The following RGS12 variants were observed in gnomAD, a reference collection of about 807,000 sequenced individuals.
The protein encoded by RGS12 is regulator of G-protein signaling 12.
A neutral mutation model predicts 120.1 loss-of-function variants in RGS12; 66 were observed. The observed-to-expected ratio is 0.55, with a 90% confidence interval of 0.45 to 0.67. RGS12 has a LOEUF of 0.67. Ranked by LOEUF, RGS12 falls within the 30% of genes least tolerant of loss-of-function variation. The pLI, the probability that RGS12 is intolerant of heterozygous loss-of-function variation, is 0.00. For missense variants in RGS12, 1,859 were observed against 1,957.7 expected, an observed-to-expected ratio of 0.95 and a Z score of 0.95; for synonymous variants, 827 against 804.7, an observed-to-expected ratio of 1.03 and a Z score of -0.47.
intron 3 of RGS12, among the ~76,000 whole-genome samples, chr4:3,351,245 A>G (rs983739964): frequency 8.5e-5 from 13 of 152,284 alleles, no homozygotes; most frequent in Middle Eastern, 3.4e-3. Flanking sequence ...GCCTTGAATT[A>G]GTAACAAATC....
At chr4:3,416,612 T>C (rs1401702991) in intron 7 of RGS12, among the ~76,000 whole-genome samples, 1 of 152,226 alleles carries the variant, frequency 6.6e-6, no homozygotes, top group Non-Finnish European at 1.5e-5. Flanking sequence ...GTTTTAATCT[T>C]ATTTAACAAA....
chr4:3,309,363 T>C (rs1210187519), intron 1 of RGS12, among the ~76,000 whole-genome samples: 137 of 137,496 alleles, frequency 1.0e-3, no homozygotes, highest in African/African-American at 4.0e-3. Context: ...AGGTGTCCGC[T>C]GAGGGGAACC....
At position 3,390,468 on chromosome 4, in the gene RGS12, G is replaced by A. The variant is rs1415617680; in HGVS notation, c.2020+4031G>A. Among the ~76,000 whole-genome samples the A allele has an allele frequency of 6.6e-6, 1 of 152,232 alleles. No homozygotes were observed. The highest frequency in any genetic ancestry group is 1.9e-4 in the East Asian group (1 of 5,200). On this transcript the variant is annotated intron_variant, in intron 4 of 17. Transcript: ENST00000336727. This position sits in a 1 kb window ranked among gnomAD's most constrained non-coding sequence, Gnocchi z 4.6. ...TTGGGCGGGGACAGTGGCTTTCAGT[G>A]ATTTTCCTTTTAGTCGTGAAACCTT...
intron 2 of RGS12, among the ~76,000 whole-genome samples, chr4:3,335,961 G>A (rs183912991): frequency 2.2e-4 from 34 of 152,274 alleles, no homozygotes; most frequent in Admixed American, 7.2e-4. Context: ...GCATGGTGGT[G>A]CGTGCCTGTA....
chr4:3,358,249 A>G (rs953481190), intron 3 of RGS12, among the ~76,000 whole-genome samples: 1 of 152,090 alleles, frequency 6.6e-6, no homozygotes, highest in African/African-American at 2.4e-5. Flanking sequence ...TTGGTGGAAT[A>G]GTCTACATAA....
intron 1 of RGS12, among the ~76,000 whole-genome samples, chr4:3,315,638 G>A (rs770187437): frequency 1.3e-5 from 2 of 152,340 alleles, no homozygotes; most frequent in East Asian, 3.9e-4. Flanking sequence ...CCTGTAGCAG[G>A]CCTTGCTTCT....
At chr4:3,408,732 G>A (rs1721418359) in intron 4 of RGS12, among the ~76,000 whole-genome samples, 1 of 152,176 alleles carries the variant, frequency 6.6e-6, no homozygotes, top group Admixed American at 6.5e-5. Flanking sequence ...GGTGGCATGG[G>A]CAGCCGGGGC....
At position 3,341,775 on chromosome 4, in the gene RGS12, TGG is replaced by T. The variant is rs1216519605; in HGVS notation, c.1882-1157_1882-1156del. On this transcript the variant is annotated intron_variant, in intron 2 of 17. Transcript: ENST00000336727. ...AGGGGACAAGGGTGGAGAGATGGTG[TGG>T]GGGGAGGGAGGGTGGAGAGATGGGG... Among the ~76,000 whole-genome samples, 4 of 28,258 alleles carry T rather than the reference TGG, an allele frequency of 1.4e-4. No individual in the cohort carries two copies. In the East Asian group the frequency reaches 6.3e-3, roughly 45 times the overall value. 18.5% of individuals were successfully genotyped at this position (28,258 alleles called of 152,430 possible).
At chr4:3,424,676 C>T (rs1386513452) in intron 13 of RGS12, among the ~76,000 whole-genome samples, 9 of 152,174 alleles carry the variant, frequency 5.9e-5, no homozygotes, top group African/African-American at 1.4e-4. Flanking sequence ...CCTCGGCTGC[C>T]GAGGCTGTGG....
At chr4:3,328,890 G>A (rs1346012455) in intron 2 of RGS12, among the ~76,000 whole-genome samples, 1 of 152,204 alleles carries the variant, frequency 6.6e-6, no homozygotes, top group African/African-American at 2.4e-5. Context: ...TGTGTGGGCA[G>A]CTCTGTGAGC....
chr4:3,317,165 C>A lies in RGS12; in HGVS notation c.995C>A (p.Ala332Asp), dbSNP rs61790549. 3.1e-6 allele frequency: 5 copies of A among 1,613,960 alleles called. No individual in the cohort carries two copies. The African/African-American group carries it at 6.7e-5, about 22-fold the overall frequency. The change falls in exon 2 of 18, where the codon GCC becomes GAC. Residue 332 changes from alanine to aspartate, a missense_variant. Transcript: ENST00000336727. Reference protein sequence around the residue: ...DGSLAQEEEGALRTSCHVFMV... With the variant: ...DGSLAQEEEGDLRTSCHVFMV... ...AGCCTGGCCCAGGAGGAGGAGGGCG[C>A]CCTGCGGACTTCCTGCCACGTGTTC...
At chr4:3,338,001 C>T (rs12640526) in intron 2 of RGS12, among the ~76,000 whole-genome samples, 11,409 of 152,230 alleles carry the variant, frequency 0.075, 816 homozygotes, top group East Asian at 0.33. Context: ...TGGATTGAGG[C>T]GTTGGAATGG....
At chr4:3,376,370 C>G (rs1252220753) in intron 3 of RGS12, among the ~76,000 whole-genome samples, 1 of 152,084 alleles carries the variant, frequency 6.6e-6, no homozygotes, top group East Asian at 1.9e-4. Context: ...GGCTGCTCTG[C>G]CAGGCGAGGT....
intron 1 of RGS12, among the ~76,000 whole-genome samples, chr4:3,309,424 A>G (rs1398518123): frequency 4.7e-5 from 6 of 127,234 alleles, no homozygotes; most frequent in Non-Finnish European, 6.7e-5. Context: ...GCTGAGGGGA[A>G]CCGTGCAGGG....
At chr4:3,359,863 TC>T (rs1715393029) in intron 3 of RGS12, among the ~76,000 whole-genome samples, 1 of 152,118 alleles carries the variant, frequency 6.6e-6, no homozygotes, top group African/African-American at 2.4e-5. Flanking sequence ...CCTCAGGTGA[TC>T]CGCCCACCTC....
intron 3 of RGS12, among the ~76,000 whole-genome samples, chr4:3,379,010 TG>T (rs1367114531): frequency 2.0e-5 from 1 of 49,896 alleles, no homozygotes; most frequent in Non-Finnish European, 5.6e-5. Flanking sequence ...GTGCGATGTG[TG>T]TGTGTGTGTG....
chr4:3,315,708 G>A (rs1724692176), intron 1 of RGS12, among the ~76,000 whole-genome samples: 1 of 152,196 alleles, frequency 6.6e-6, no homozygotes, highest in Non-Finnish European at 1.5e-5. Context: ...TCTGTGTGGA[G>A]CCCGAGAGTC....
chr4:3,362,686 TGTGTGTGAGG>T (rs1186379844), intron 3 of RGS12, among the ~76,000 whole-genome samples: 3 of 136,148 alleles, frequency 2.2e-5, no homozygotes, highest in Non-Finnish European at 3.1e-5. Context: ...AGGGTGAGGG[TGTGTGTGAGG>T]GTGTGTGTGA....
In RGS12 at chr4:3,389,173, C is replaced by A. The variant is rs12649466; in HGVS notation, c.2020+2736C>A. Reference sequence around the variant, plus strand: ...AGGAAGTTGGACTATGCTATTTTGGCAATCTTTGTCAAGTTGGAGTGTGTT... The same window carrying A: ...AGGAAGTTGGACTATGCTATTTTGGAAATCTTTGTCAAGTTGGAGTGTGTT... On this transcript the variant is annotated intron_variant, in intron 4 of 17. Transcript: ENST00000336727. The surrounding 1 kb of genome is among the most constrained non-coding windows in gnomAD (Gnocchi z 5.2). 0.32 allele frequency among the ~76,000 whole-genome samples: 48,386 copies of A among 151,936 alleles called. 8,338 individuals carry two copies. Among genetic ancestry groups the A allele is most frequent in the South Asian group, 0.5 (2,385 of 4,808 alleles).
Sources: allele counts gnomAD v4.1 joint callset (sites outside exome capture counted in the v4.1 genomes callset), GRCh38; gene constraint gnomAD v4.1.1; non-coding constraint Gnocchi (gnomAD v3.1); transcripts MANE v1.5; gene names NCBI Gene and HGNC (gene_info 2026-07-23, HGNC 2026-07-21).